Variants in TCF12 observed in about 807,000 individuals in gnomAD.
The protein encoded by TCF12 is transcription factor 12.
Under a neutral mutation model 86.0 loss-of-function variants are expected in TCF12, and 45 were observed. The ratio of observed to expected loss-of-function variants is 0.52; its 90% CI spans 0.41 to 0.67. The LOEUF (loss-of-function observed/expected upper bound fraction) is 0.67. Among genes scored for constraint, TCF12 ranks in the 30% least tolerant of loss-of-function variants. The pLI is 0.00. For synonymous variants in TCF12, 330 were observed against 299.6 expected (o/e 1.10, Z -1.05); for missense variants, 881 against 859.9 (o/e 1.02, Z -0.31).
chr15:56,971,579 G>A (rs2062328812), intron 3 of TCF12, among the ~76,000 whole-genome samples: 1 of 152,164 alleles, frequency 6.6e-6, no homozygotes, highest in African/African-American at 2.4e-5. Flanking sequence ...CATGCAGTTA[G>A]TTGGGGGGCT....
At chr15:57,048,638 A>T (rs1275854632) in intron 3 of TCF12, among the ~76,000 whole-genome samples, 1 of 151,970 alleles carries the variant, frequency 6.6e-6, no homozygotes, top group Non-Finnish European at 1.5e-5. Flanking sequence ...ACTCTCTATC[A>T]TTTAGGTAGA....
rs574233052 is a variant in TCF12 at position 57,142,730 on chromosome 15, C to T, written c.326-23672C>T. Among the ~76,000 whole-genome samples, 40 of 152,268 alleles carry T rather than the reference C, an allele frequency of 2.6e-4. 1 individual carries two copies. In the South Asian group the frequency reaches 8.3e-3, roughly 32 times the overall value. ...AGTTGAGGAGCCTTAGCAGACACCA[C>T]CTAATGAAGTGGTCGATTCACCATC... On this transcript the variant is annotated intron_variant, in intron 5 of 20. Transcript: ENST00000333725.
intron 8 of TCF12, among the ~76,000 whole-genome samples, chr15:57,206,804 A>C: frequency 6.6e-6 from 1 of 150,924 alleles, no homozygotes; most frequent in East Asian, 1.9e-4. Flanking sequence ...TCCTGTTCCA[A>C]CTTTCTGATA....
At chr15:57,053,424 T>A (rs2067773080) in intron 3 of TCF12, among the ~76,000 whole-genome samples, 1 of 152,220 alleles carries the variant, frequency 6.6e-6, no homozygotes, top group African/African-American at 2.4e-5. Context: ...GTAGATTGCC[T>A]TTTCACTCTG....
chr15:56,937,639 T>C (rs1464607024), intron 3 of TCF12, among the ~76,000 whole-genome samples: 1 of 152,144 alleles, frequency 6.6e-6, no homozygotes, highest in Non-Finnish European at 1.5e-5. Flanking sequence ...TCGGAGGGAA[T>C]GCTTTCAACT....
At chr15:57,151,009 C>G (rs1338358130) in intron 5 of TCF12, among the ~76,000 whole-genome samples, 1 of 150,660 alleles carries the variant, frequency 6.6e-6, no homozygotes, top group Middle Eastern at 3.4e-3. Context: ...AGGCAGGTCT[C>G]TCTCTGTTAC....
intron 5 of TCF12, among the ~76,000 whole-genome samples, chr15:57,157,698 G>A (rs933375484): frequency 9.9e-5 from 15 of 151,998 alleles, no homozygotes; most frequent in Non-Finnish European, 2.1e-4. Context: ...GAGTAGCTGG[G>A]ACCACAGTTG....
chr15:57,185,685 C>T (rs1181059120), intron 6 of TCF12, among the ~76,000 whole-genome samples: 3 of 152,078 alleles, frequency 2.0e-5, no homozygotes, highest in African/African-American at 7.2e-5. Flanking sequence ...CAATTCAAGA[C>T]CAACTGGGGC....
intron 3 of TCF12, among the ~76,000 whole-genome samples, chr15:56,978,763 A>G (rs1237169236): frequency 1.3e-5 from 2 of 152,282 alleles, no homozygotes; most frequent in Middle Eastern, 3.4e-3. Context: ...GGGGCCTACT[A>G]TCCCTTAGGC....
intron 3 of TCF12, among the ~76,000 whole-genome samples, chr15:57,045,861 A>AC (rs59140324): frequency 0.28 from 42,381 of 151,960 alleles, 7,683 homozygotes; most frequent in African/African-American, 0.51. Flanking sequence ...GAGAAGTTTT[A>AC]GTACAGAGGC....
At chr15:56,969,893 G>C (rs1228697262) in intron 3 of TCF12, among the ~76,000 whole-genome samples, 3 of 152,112 alleles carry the variant, frequency 2.0e-5, no homozygotes, top group African/African-American at 7.2e-5. Flanking sequence ...TTAGAAGTTG[G>C]GGTGATGAGC....
chr15:57,031,399 T>C (rs530293345), intron 3 of TCF12, among the ~76,000 whole-genome samples: 7 of 152,318 alleles, frequency 4.6e-5, no homozygotes, highest in South Asian at 2.1e-4. Context: ...AGATCAATCT[T>C]CTGAGGCTTT....
intron 5 of TCF12, among the ~76,000 whole-genome samples, chr15:57,139,352 CT>C (rs1254222748): frequency 2.0e-5 from 3 of 152,114 alleles, no homozygotes; most frequent in Non-Finnish European, 4.4e-5. Flanking sequence ...ACCTAATGTT[CT>C]ATTGTATAGA....
At chr15:57,035,522 C>T (rs2066456117) in intron 3 of TCF12, among the ~76,000 whole-genome samples, 1 of 152,148 alleles carries the variant, frequency 6.6e-6, no homozygotes, top group African/African-American at 2.4e-5. Context: ...CCACCTCGGC[C>T]TCCCAAAGTA....
At chr15:57,141,393 A>G (rs2052952865) in intron 5 of TCF12, among the ~76,000 whole-genome samples, 1 of 152,168 alleles carries the variant, frequency 6.6e-6, no homozygotes, top group African/African-American at 2.4e-5. Context: ...CTTGATGCCC[A>G]GGCTGGAGTG....
intron 7 of TCF12, among the ~76,000 whole-genome samples, chr15:57,195,273 T>C (rs1361652009): frequency 2.0e-5 from 3 of 152,212 alleles, no homozygotes; most frequent in Non-Finnish European, 2.9e-5. Context: ...TGATTTTAAA[T>C]CAGACATTTT....
intron 3 of TCF12, among the ~76,000 whole-genome samples, chr15:57,050,002 T>C (rs1404904706): frequency 6.6e-6 from 1 of 152,194 alleles, no homozygotes; most frequent in Non-Finnish European, 1.5e-5. Flanking sequence ...CAGTTATTTT[T>C]AGGGGTTCCT....
rs115429707 is a variant in TCF12 at position 57,043,690 on chromosome 15, A to C, written c.149-20060A>C. 4.3e-3 allele frequency among the ~76,000 whole-genome samples: 652 copies of C among 152,338 alleles called. 8 individuals are homozygous for C. The highest frequency in any genetic ancestry group is 0.015 in the African/African-American group (624 of 41,582). ...AATTTTAGCAAAGTAAAAGATACTG[A>C]ATTTCTGGAAGTCTTTGTGATTGTG... On this transcript the variant is annotated intron_variant, in intron 3 of 20. Coordinates refer to ENST00000333725, the MANE Select transcript of TCF12 (RefSeq NM_207037.2).
chr15:57,099,460 A>T (rs999336906), intron 5 of TCF12, among the ~76,000 whole-genome samples: 1 of 152,150 alleles, frequency 6.6e-6, no homozygotes, highest in Non-Finnish European at 1.5e-5. Flanking sequence ...AATTTTAAAA[A>T]AATATTTCAA....
Sources: allele counts gnomAD v4.1 joint callset (sites outside exome capture counted in the v4.1 genomes callset), GRCh38; gene constraint gnomAD v4.1.1; transcripts MANE v1.5; gene names NCBI Gene and HGNC (gene_info 2026-07-23, HGNC 2026-07-21).